ZFP62: variants seen among roughly 807,000 people sequenced by gnomAD.
The protein encoded by ZFP62 is ZFP62 zinc finger protein.
In ZFP62, 44 loss-of-function variants were observed where a neutral mutation model predicts 56.4. That is an observed-to-expected ratio of 0.78 (90% CI 0.61 to 1.00). The LOEUF is 1.00. ZFP62 is among the 50% of genes least tolerant of loss of function. ZFP62 has a pLI of 0.00. For missense variants in ZFP62, 1,030 were observed against 1,085.7 expected (o/e 0.95, Z 0.72); for synonymous variants, 421 against 388.9 (o/e 1.08, Z -0.97).
chr5:180,831,842 T>C, the ZFP62 span: 1 of 152,432 alleles, frequency 6.6e-6, no homozygotes, highest in African/African-American at 2.4e-5. Context: ...CCTGGAACTT[T>C]CTTCCTTTTC....
the ZFP62 span, chr5:180,830,723 G>C: frequency 6.6e-6 from 1 of 152,388 alleles, no homozygotes; most frequent in Non-Finnish European, 1.5e-5. Flanking sequence ...AGCTGTCTGA[G>C]ATTAAGCAGA....
chr5:180,828,779 G>A, the ZFP62 span, among the ~76,000 whole-genome samples: 1 of 152,168 alleles, frequency 6.6e-6, no homozygotes, highest in African/African-American at 2.4e-5. Context: ...TGCGGGGTCA[G>A]GCAAAAAGAG....
intron 1 of ZFP62, among the ~76,000 whole-genome samples, chr5:180,851,797 T>C (rs964668478): frequency 6.6e-6 from 1 of 152,182 alleles, no homozygotes; most frequent in Non-Finnish European, 1.5e-5. Flanking sequence ...CACAGAACCA[T>C]GGGCAACACC....
intron 1 of ZFP62, among the ~76,000 whole-genome samples, chr5:180,856,725 C>T (rs150867732): frequency 0.043 from 6,538 of 151,758 alleles, 154 homozygotes; most frequent in South Asian, 0.11. Context: ...GAGGCTGAGG[C>T]GGGCAGATCA....
downstream of ZFP62, among the ~76,000 whole-genome samples, chr5:180,844,727 T>C (rs1360907254): frequency 6.6e-6 from 1 of 152,182 alleles, no homozygotes; most frequent in Non-Finnish European, 1.5e-5. Flanking sequence ...ATGGATTGCT[T>C]ACTTAGAAGC....
downstream of ZFP62, among the ~76,000 whole-genome samples, chr5:180,844,370 G>A (rs1773370974): frequency 6.6e-6 from 1 of 152,178 alleles, no homozygotes; most frequent in Admixed American, 6.5e-5. Context: ...CAAGACCAGA[G>A]GAACTTCACC....
At chr5:180,858,583 C>T (rs1379568400) in intron 1 of ZFP62, among the ~76,000 whole-genome samples, 2 of 151,768 alleles carry the variant, frequency 1.3e-5, no homozygotes, top group Admixed American at 6.6e-5. Context: ...ACTCCAGCCT[C>T]GGTGACAGAG....
At chr5:180,838,619 G>A in the ZFP62 span, among the ~76,000 whole-genome samples, 9,530 of 152,256 alleles carry the variant, frequency 0.063, 664 homozygotes, top group African/African-American at 0.17. Context: ...CTGAGGTGAT[G>A]GGGCATCATA....
chr5:180,852,358 C>T (rs549331282), intron 1 of ZFP62, among the ~76,000 whole-genome samples: 1 of 152,192 alleles, frequency 6.6e-6, no homozygotes, highest in Non-Finnish European at 1.5e-5. Flanking sequence ...GAGATCGAGA[C>T]CATCCTGGCC....
Position 180,851,473 on chromosome 5 carries a change from T to C in ZFP62, c.22A>G (p.Thr8Ala). The C allele has an allele frequency of 6.5e-7, 1 of 1,545,668 alleles. No individual in the cohort carries two copies. Among genetic ancestry groups the C allele is most frequent in the African/African-American group, 1.4e-5 (1 of 72,948 alleles). Residue 8 changes from threonine (T) to alanine (A), a missense_variant, in exon 2 of 2, where the codon ACT becomes GCT. Coordinates refer to ENST00000502412, the MANE Select transcript of ZFP62 (RefSeq NM_001172638.2). MSHLKTSTEDEEPTEEYE... is the reference protein window; with the variant it reads MSHLKTSAEDEEPTEEYE... ...TCTTCAGTTGGTTCCTCATCCTCAG[T>C]GCTCGTCTTCAAATGTGACACTAAA... is the stretch of plus-strand genomic sequence containing the variant.
chr5:180,853,918 C>T (rs1242025622), intron 1 of ZFP62, among the ~76,000 whole-genome samples: 1 of 152,140 alleles, frequency 6.6e-6, no homozygotes, highest in African/African-American at 2.4e-5. Context: ...GAAAATGAAC[C>T]TTGGGATGAA....
chr5:180,855,805 T>C (rs1239955676), intron 1 of ZFP62, among the ~76,000 whole-genome samples: 2 of 152,212 alleles, frequency 1.3e-5, no homozygotes, highest in African/African-American at 4.8e-5. Context: ...CTCTTCTGCA[T>C]GACTGCCATC....
downstream of ZFP62, chr5:180,845,966 ACT>A (rs1773403027): frequency 2.1e-5 from 12 of 570,128 alleles, no homozygotes; most frequent in Non-Finnish European, 2.4e-5. Context: ...TTCCATACTC[ACT>A]GTTTTTTCAG....
In ZFP62 at chr5:180,848,032, AG is replaced by A; in HGVS notation, c.*759del. ...AGCATAATGTGTGAATACCACTTCCAGGTTATCCCTCATCACAAATTCATCA... is the reference window on the plus strand; with the variant it reads ...AGCATAATGTGTGAATACCACTTCCAGTTATCCCTCATCACAAATTCATCA... On this transcript the variant is annotated 3_prime_UTR_variant, in exon 2 of 2. Transcript: ENST00000502412. 1 of 985,432 alleles carries A rather than the reference AG, an allele frequency of 1.0e-6. No individual in the cohort carries two copies. The highest frequency in any genetic ancestry group is 4.7e-5 in the South Asian group (1 of 21,286). 61.0% of individuals were successfully genotyped at this position (985,432 alleles called of 1,614,324 possible).
At chr5:180,847,492 C>G (rs1236247141), downstream of ZFP62, 1 of 690,200 alleles carries the variant, frequency 1.4e-6, no homozygotes. Context: ...ACCAGCTGAG[C>G]TGCTAGCCCT....
At chr5:180,827,546 G>A in the ZFP62 span, among the ~76,000 whole-genome samples, 1 of 152,210 alleles carries the variant, frequency 6.6e-6, no homozygotes, top group African/African-American at 2.4e-5. Flanking sequence ...AGTACCCAGG[G>A]ACACAAACAC....
intron 1 of ZFP62, among the ~76,000 whole-genome samples, chr5:180,856,602 C>T (rs781478002): frequency 6.6e-6 from 1 of 152,130 alleles, no homozygotes; most frequent in Non-Finnish European, 1.5e-5. Context: ...CAAGGCCCTG[C>T]CATCAAGGTG....
chr5:180,846,680 T>C, downstream of ZFP62, among the ~76,000 whole-genome samples: 1 of 152,356 alleles, frequency 6.6e-6, no homozygotes, highest in East Asian at 1.9e-4. Context: ...TGGTTGGTCC[T>C]AGTCGCTGTC....
At position 180,849,054 on chromosome 5, in the gene ZFP62, T is replaced by C. The variant is rs1300983387; in HGVS notation, c.2441A>G (p.Asn814Ser). ...KSVHQGKQPY[N>S]CECGKSFNYR... ...ATTGAAGGATTTCCCACACTCACAA[T>C]TATAGGGCTGCTTCCCCTGGTGGAC... The change falls in exon 2 of 2, where the codon AAT becomes AGT. Residue 814 changes from asparagine to serine, a missense_variant. Asn to Ser is a conservative substitution (Grantham distance 46). Transcript: ENST00000502412. 1.9e-6 allele frequency: 3 copies of C among 1,552,088 alleles called. No homozygotes were observed. In the Admixed American group the frequency reaches 5.9e-5, roughly 30 times the overall value.
Sources: gnomAD v4.1 joint callset for allele counts (sites outside exome capture counted in the v4.1 genomes callset) on GRCh38, gnomAD v4.1.1 for gene constraint, MANE v1.5 for transcripts, NCBI Gene and HGNC (gene_info 2026-07-23, HGNC 2026-07-21) for gene names.